LRGUK: variants seen among roughly 807,000 people sequenced by gnomAD.
LRGUK encodes leucine-rich repeat and guanylate kinase domain-containing protein.
In LRGUK, 65 loss-of-function variants were observed where a neutral mutation model predicts 76.0. The ratio of observed to expected loss-of-function variants is 0.85; its 90% CI spans 0.70 to 1.05. LRGUK has a LOEUF of 1.05. LRGUK is among the 50% of genes least tolerant of loss of function. The pLI is 0.00. For missense variants in LRGUK, 758 were observed against 732.8 expected (o/e 1.03, Z -0.40); for synonymous variants, 268 against 265.6 (o/e 1.01, Z -0.09).
intron 6 of LRGUK, among the ~76,000 whole-genome samples, chr7:134,158,850 C>CT (rs1798594447): frequency 2.0e-5 from 3 of 152,298 alleles, no homozygotes; most frequent in African/African-American, 7.2e-5. Flanking sequence ...ACTTGGGGGT[C>CT]TACAGTATTG....
intron 7 of LRGUK, 33 bp from the exon 8 acceptor site, chr7:134,174,523 G>A: frequency 3.9e-6 from 5 of 1,281,702 alleles, no homozygotes; most frequent in Non-Finnish European, 5.7e-6. Context: ...TGTGCATTTA[G>A]TCTGTTGATA....
rs776133942 is a variant in LRGUK, at chr7:134,148,334, A to G, written c.670+15A>G. On this transcript the variant is annotated intron_variant, in intron 5 of 15. Transcript: ENST00000645682. ...AATTTTGGATGGTATCCTTTGAATA[A>G]GTAAAGGGGAAAATTTTAAAAACAA... The G allele has an allele frequency of 1.4e-6, 2 of 1,431,990 alleles. No individual in the cohort carries two copies. Among genetic ancestry groups the G allele is most frequent in the South Asian group, 1.2e-5 (1 of 81,446 alleles). The allele number at this position is 1,431,990 out of a possible 1,614,324, so 88.7% of individuals were successfully genotyped here. A position where few individuals can be genotyped will look rare whatever the true frequency, so the allele number is the denominator to read the frequency against.
exon 5 of LRGUK, chr7:134,148,302 C>T: frequency 6.3e-7 from 1 of 1,589,418 alleles, no homozygotes; most frequent in Non-Finnish European, 8.5e-7. Context: ...CATGCTCTCA[C>T]TAAACTAATT....
intron 18 of LRGUK, among the ~76,000 whole-genome samples, chr7:134,254,196 T>C (rs543879319): frequency 7.2e-5 from 11 of 152,320 alleles, no homozygotes; most frequent in African/African-American, 2.6e-4. Flanking sequence ...ATTTTTTAAA[T>C]GGTGCAAACA....
In LRGUK at chr7:134,183,899, T is replaced by C. The variant is rs751440957; in HGVS notation, c.1334+46T>C. ...GTTAAGACTTGGAAATTCATCCGAA[T>C]TATTGGAGGTATCAATAGTTGTAGT... On this transcript the variant is annotated intron_variant, in intron 11 of 15. Transcript: ENST00000645682. 1.9e-6 allele frequency: 3 copies of C among 1,605,800 alleles called. No individual in the cohort carries two copies. The South Asian group carries it at 3.3e-5, about 18-fold the overall frequency.
the LRGUK span, among the ~76,000 whole-genome samples, chr7:134,275,124 T>G: frequency 4.3e-4 from 66 of 152,264 alleles, no homozygotes; most frequent in South Asian, 1.2e-3. Flanking sequence ...GGTATTTAAT[T>G]TTTTTCATTT....
Position 134,129,289 on chromosome 7 carries a change from CTG to C in LRGUK, c.297+1627_297+1628del, listed in dbSNP as rs1176502253. On this transcript the variant is annotated intron_variant, in intron 1 of 15. Transcript: ENST00000645682. ...CCCTCCCTTCCTCCCTCCCTCCACT[CTG>C]TCTCTCTTTCTTTCTTTCCTTCTTT... Among the ~76,000 whole-genome samples the C allele has an allele frequency of 1.3e-3, 170 of 130,900 alleles. 1 individual carries two copies. Among genetic ancestry groups the C allele is most frequent in the African/African-American group, 4.8e-3 (167 of 34,722 alleles). The allele number at this position is 130,900 out of a possible 152,430, so 85.9% of individuals were successfully genotyped here.
downstream of LRGUK, among the ~76,000 whole-genome samples, chr7:134,266,258 T>G (rs35634646): frequency 0.096 from 14,629 of 152,088 alleles, 1,809 homozygotes; most frequent in African/African-American, 0.28. Flanking sequence ...ATTAGGAAAA[T>G]GTCAACTTGG....
rs1319777493 is a variant in LRGUK at position 134,140,392 on chromosome 7, C to T, written c.487+875C>T. On this transcript the variant is annotated intron_variant, in intron 3 of 15. Coordinates refer to ENST00000645682, the Ensembl canonical transcript of LRGUK. ...ATTTAGTTGATTCTTTCAACTCTAACTCCACAATTTGTAGTTTTATATAAG... is the reference window on the plus strand; with the variant it reads ...ATTTAGTTGATTCTTTCAACTCTAATTCCACAATTTGTAGTTTTATATAAG... 3.3e-5 allele frequency among the ~76,000 whole-genome samples: 5 copies of T among 152,154 alleles called. No individual in the cohort carries two copies. The East Asian group carries it at 9.6e-4, about 29-fold the overall frequency.
intron 15 of LRGUK, among the ~76,000 whole-genome samples, chr7:134,215,511 T>C (rs1179521256): frequency 6.6e-6 from 1 of 152,112 alleles, no homozygotes; most frequent in Non-Finnish European, 1.5e-5. Flanking sequence ...GGGACAAGGA[T>C]CTGGTGTATT....
At chr7:134,261,243 A>T (rs1032506845) in intron 19 of LRGUK, among the ~76,000 whole-genome samples, 1 of 151,950 alleles carries the variant, frequency 6.6e-6, no homozygotes, top group African/African-American at 2.4e-5. Context: ...GTCTTTTTTT[A>T]CATGAACTGT....
intron 11 of LRGUK, among the ~76,000 whole-genome samples, chr7:134,188,027 C>T (rs988257362): frequency 1.3e-5 from 2 of 152,182 alleles, no homozygotes; most frequent in African/African-American, 4.8e-5. Context: ...TCTGTTTATA[C>T]ACATGTGACA....
chr7:134,246,220 T>A (rs1220649493), intron 16 of LRGUK, among the ~76,000 whole-genome samples: 1 of 152,030 alleles, frequency 6.6e-6, no homozygotes, highest in African/African-American at 2.4e-5. Context: ...CTTTATATTA[T>A]CCCCCCCAAA....
At chr7:134,275,716 G>A in the LRGUK span, among the ~76,000 whole-genome samples, 5 of 152,084 alleles carry the variant, frequency 3.3e-5, no homozygotes, top group Non-Finnish European at 7.3e-5. Flanking sequence ...CTGCCAATAT[G>A]CTACCACATT....
At chr7:134,257,571 C>T (rs1220065082) in intron 18 of LRGUK, among the ~76,000 whole-genome samples, 3 of 152,116 alleles carry the variant, frequency 2.0e-5, no homozygotes, top group African/African-American at 7.2e-5. Flanking sequence ...TTTCGGAGGC[C>T]GAGGCCGGCT....
chr7:134,127,804 C>G (rs1797080317), intron 1 of LRGUK, 140 bp downstream of exon 1: 8 of 921,576 alleles, frequency 8.7e-6, no homozygotes, highest in Non-Finnish European at 1.3e-5. Context: ...AACGCCTCTT[C>G]CCCCTCTTTT....
At chr7:134,136,398 C>A (rs1159936191) in intron 1 of LRGUK, among the ~76,000 whole-genome samples, 1 of 152,144 alleles carries the variant, frequency 6.6e-6, no homozygotes, top group Non-Finnish European at 1.5e-5. Flanking sequence ...GACCTGTTTT[C>A]TCTACCAATC....
At chr7:134,256,456 T>A (rs1585607101) in intron 18 of LRGUK, among the ~76,000 whole-genome samples, 2 of 129,688 alleles carry the variant, frequency 1.5e-5, no homozygotes. Context: ...CGAAACTCTG[T>A]CTCAAAAAAA....
chr7:134,142,306 T>C (rs1334932664), intron 3 of LRGUK, among the ~76,000 whole-genome samples: 1 of 152,218 alleles, frequency 6.6e-6, no homozygotes, highest in African/African-American at 2.4e-5. Flanking sequence ...CCTGATTCCT[T>C]CCCTAATTCA....
Sources: gnomAD v4.1 joint callset for allele counts (sites outside exome capture counted in the v4.1 genomes callset) on GRCh38, gnomAD v4.1.1 for gene constraint, MANE v1.5 for transcripts, NCBI Gene and HGNC (gene_info 2026-07-23, HGNC 2026-07-21) for gene names.